The following CAST variants were observed in gnomAD, a reference collection of about 807,000 sequenced individuals.
CAST encodes calpastatin.
Under a neutral mutation model 119.6 loss-of-function variants are expected in CAST, and 76 were observed. The observed-to-expected ratio is 0.64, with a 90% CI of 0.53 to 0.77. CAST has a LOEUF of 0.77. Among genes scored for constraint, CAST ranks in the 30% least tolerant of loss-of-function variants. The pLI, the probability that CAST is intolerant of heterozygous loss-of-function variation, is 0.00. For missense variants in CAST, 953 were observed against 946.5 expected, an observed-to-expected ratio of 1.01 and a Z score of -0.09; for synonymous variants, 319 against 331.6, an observed-to-expected ratio of 0.96 and a Z score of 0.41.
chr5:96,534,745 GAAAGAAAGAAAGAA>G (rs1333358460), intron 1 of CAST, among the ~76,000 whole-genome samples: 30 of 21,310 alleles, frequency 1.4e-3, no homozygotes, highest in African/African-American at 3.3e-3. Flanking sequence ...GAGAGAGAAA[GAAAGAAAGAAAGAA>G]AGAAAGAAAG....
At chr5:96,346,594 A>G in the CAST span, among the ~76,000 whole-genome samples, 1 of 152,094 alleles carries the variant, frequency 6.6e-6, no homozygotes, top group Admixed American at 6.6e-5. Flanking sequence ...CCACATAATG[A>G]CCATTGGTAG....
chr5:96,764,797 T>C (rs1426472662), intron 25 of CAST, among the ~76,000 whole-genome samples: 4 of 152,172 alleles, frequency 2.6e-5, no homozygotes, highest in Non-Finnish European at 5.9e-5. Flanking sequence ...ACAACATTAG[T>C]AGATGTTTGT....
chr5:96,662,903 C>T, intron 1 of CAST: 1 of 577,376 alleles, frequency 1.7e-6, no homozygotes, highest in Non-Finnish European at 3.0e-6. Flanking sequence ...CCTGGAGACG[C>T]AGAGCCTCTT....
intron 1 of CAST, among the ~76,000 whole-genome samples, chr5:96,605,422 A>G (rs1044182909): frequency 2.0e-5 from 3 of 152,256 alleles, no homozygotes; most frequent in Non-Finnish European, 4.4e-5. Context: ...TAATGTGCAA[A>G]GCCAGATTTG....
the CAST span, among the ~76,000 whole-genome samples, chr5:96,072,811 A>C: frequency 6.6e-6 from 1 of 152,214 alleles, no homozygotes; most frequent in Non-Finnish European, 1.5e-5. Flanking sequence ...TGGTTAAGGC[A>C]GTGGTTTTCA....
intron 1 of CAST, chr5:96,631,096 C>T (rs1580853167): frequency 7.1e-6 from 1 of 140,644 alleles, no homozygotes; most frequent in African/African-American, 2.5e-5. Flanking sequence ...GTAAGCATCT[C>T]CTCCTTTTTA....
chr5:96,499,798 T>C, the CAST span, among the ~76,000 whole-genome samples: 2 of 152,206 alleles, frequency 1.3e-5, no homozygotes, highest in African/African-American at 4.8e-5. Context: ...ACAGCTTGGC[T>C]AACTGGTGCA....
At chr5:96,531,610 TA>T (rs1359462569) in intron 1 of CAST, among the ~76,000 whole-genome samples, 1 of 152,066 alleles carries the variant, frequency 6.6e-6, no homozygotes, top group Non-Finnish European at 1.5e-5. Flanking sequence ...TAAAGATAAA[TA>T]GACAATTTAA....
chr5:96,131,942 GAA>G, the CAST span, among the ~76,000 whole-genome samples: 1 of 152,130 alleles, frequency 6.6e-6, no homozygotes, highest in African/African-American at 2.4e-5. Context: ...AGGGTACATT[GAA>G]AAGACACAAA....
At chr5:96,562,422 A>C (rs959709353) in intron 1 of CAST, among the ~76,000 whole-genome samples, 1 of 152,194 alleles carries the variant, frequency 6.6e-6, no homozygotes, top group Non-Finnish European at 1.5e-5. Context: ...TTACAACCAC[A>C]ATGAAATACA....
chr5:96,738,411 G>A (rs1253736115), intron 11 of CAST, among the ~76,000 whole-genome samples: 3 of 152,064 alleles, frequency 2.0e-5, no homozygotes, highest in Non-Finnish European at 2.9e-5. Flanking sequence ...AATTAGTATC[G>A]GGGATGGAAA....
At chr5:96,195,158 A>G in the CAST span, among the ~76,000 whole-genome samples, 2 of 152,236 alleles carry the variant, frequency 1.3e-5, no homozygotes, top group Non-Finnish European at 2.9e-5. Context: ...AAAGCTTTGG[A>G]CAATCAGACT....
intron 1 of CAST, among the ~76,000 whole-genome samples, chr5:96,600,468 A>T (rs190093117): frequency 8.6e-4 from 131 of 152,332 alleles, no homozygotes; most frequent in African/African-American, 3.1e-3. Flanking sequence ...ATAGACAAAA[A>T]ATCATTGATA....
the CAST span, among the ~76,000 whole-genome samples, chr5:96,209,510 G>A: frequency 6.6e-6 from 1 of 151,986 alleles, no homozygotes; most frequent in African/African-American, 2.4e-5. Context: ...GGCAGGTCTG[G>A]TGATAATTAA....
At chr5:96,599,974 A>AAAAAAAAAAAAAAAAACAAAAC (rs1460109288) in intron 1 of CAST, among the ~76,000 whole-genome samples, 9 of 125,670 alleles carry the variant, frequency 7.2e-5, no homozygotes, top group Admixed American at 9.9e-5. Context: ...GGCAAAAAAA[A>AAAAAAAAAAAAAAAAACAAAAC]AAAAAAAAAC....
the CAST span, among the ~76,000 whole-genome samples, chr5:96,077,675 C>T: frequency 6.6e-6 from 1 of 152,118 alleles, no homozygotes; most frequent in Non-Finnish European, 1.5e-5. Flanking sequence ...CACCTTCCTT[C>T]TCCCTTTCCT....
chr5:95,962,503 A>C, the CAST span, among the ~76,000 whole-genome samples: 1 of 151,890 alleles, frequency 6.6e-6, no homozygotes, highest in Admixed American at 6.6e-5. Flanking sequence ...AGAGCTTATA[A>C]AAACAAAAAC....
intron 5 of CAST, 76 bp from the exon 6 acceptor site, chr5:96,727,413 C>G (rs1455014538): frequency 5.6e-6 from 4 of 720,240 alleles, no homozygotes; most frequent in Middle Eastern, 3.6e-4. Flanking sequence ...TGAAGAAAAT[C>G]TGTGATAGTC....
chr5:96,741,679 G>A, intron 15 of CAST, 99 bp downstream of exon 15: 1 of 765,304 alleles, frequency 1.3e-6, no homozygotes, highest in Non-Finnish European at 2.2e-6. Context: ...GAGAAGCCAT[G>A]ATTTTTTCCC....
Sources: gnomAD v4.1 joint callset for allele counts (sites outside exome capture counted in the v4.1 genomes callset) on GRCh38, gnomAD v4.1.1 for gene constraint, MANE v1.5 for transcripts, NCBI Gene and HGNC (gene_info 2026-07-23, HGNC 2026-07-21) for gene names.